Variants in SNTG1 observed in about 807,000 individuals in gnomAD.
SNTG1 encodes the protein syntrophin gamma 1.
In SNTG1, 39 loss-of-function variants were observed where a neutral mutation model predicts 74.7. That is an observed-to-expected ratio of 0.52 (90% CI 0.40 to 0.68). The LOEUF is 0.68. SNTG1 is among the 30% of genes least tolerant of loss of function. The pLI is 0.00. For synonymous variants in SNTG1, 254 were observed against 217.1 expected (o/e 1.17, Z -1.49); for missense variants, 685 against 609.5 (o/e 1.12, Z -1.30).
At chr8:50,641,214 C>G (rs920300115) in intron 13 of SNTG1, among the ~76,000 whole-genome samples, 6 of 152,206 alleles carry the variant, frequency 3.9e-5, no homozygotes, top group Admixed American at 6.5e-5. Flanking sequence ...TTTCTTCCCC[C>G]AGTCTATTCT....
At chr8:50,069,225 C>T (rs189712678) in intron 1 of SNTG1, among the ~76,000 whole-genome samples, 1 of 152,236 alleles carries the variant, frequency 6.6e-6, no homozygotes, top group Non-Finnish European at 1.5e-5. Context: ...CTGTGATGTG[C>T]CAGCACCAGC....
chr8:50,223,635 G>A (rs28562121), intron 2 of SNTG1, among the ~76,000 whole-genome samples: 1 of 151,782 alleles, frequency 6.6e-6, no homozygotes, highest in Non-Finnish European at 1.5e-5. Flanking sequence ...GCATCACTTA[G>A]GAAACAAAAA....
At chr8:50,689,091 C>T (rs1173149589) in intron 15 of SNTG1, among the ~76,000 whole-genome samples, 3 of 25,874 alleles carry the variant, frequency 1.2e-4, no homozygotes, top group Admixed American at 3.9e-4. Context: ...TGTTTGTGAA[C>T]ATTGATTTTG....
intron 1 of SNTG1, among the ~76,000 whole-genome samples, chr8:50,166,996 A>T (rs1469918995): frequency 1.4e-5 from 2 of 144,012 alleles, no homozygotes; most frequent in East Asian, 3.9e-4. Flanking sequence ...ATTGGAAACC[A>T]TCATTCTCAG....
chr8:50,708,905 T>G lies in SNTG1; in HGVS notation c.1211T>G (p.Val404Gly). 1 of 1,613,530 alleles carries G rather than the reference T, an allele frequency of 6.2e-7. No individual in the cohort carries two copies. The highest frequency in any genetic ancestry group is 8.5e-7 in the Non-Finnish European group (1 of 1,179,580). ...ERIQCKTYAC[V>G]LESHLMGLTI... ...ACCTAGTGCAAGACCTATGCATGTG[T>G]GCTAGAAAGTCATCTAATGGGACTC... The change falls in exon 17 of 19, where the codon GTG (valine) becomes GGG (glycine). Residue 404 changes from valine (V) to glycine (G), a missense_variant. Coordinates refer to ENST00000642720, the MANE Select transcript of SNTG1 (RefSeq NM_018967.5).
At chr8:50,698,503 G>C (rs766743413) in intron 15 of SNTG1, among the ~76,000 whole-genome samples, 1 of 152,064 alleles carries the variant, frequency 6.6e-6, no homozygotes, top group Non-Finnish European at 1.5e-5. Context: ...GAAAGATGGG[G>C]TGAGCCTGGT....
At chr8:50,205,756 G>A (rs1195675571) in intron 2 of SNTG1, among the ~76,000 whole-genome samples, 3 of 152,172 alleles carry the variant, frequency 2.0e-5, no homozygotes, top group Non-Finnish European at 2.9e-5. Flanking sequence ...AAGATGTAAG[G>A]AAGGGATCCA....
chr8:50,136,786 G>T (rs1236704020), intron 1 of SNTG1, among the ~76,000 whole-genome samples: 1 of 152,048 alleles, frequency 6.6e-6, no homozygotes, highest in African/African-American at 2.4e-5. Context: ...AGACCTACAG[G>T]CCTATTAGCC....
At chr8:50,449,077 G>A (rs2093431944) in intron 5 of SNTG1, among the ~76,000 whole-genome samples, 1 of 151,886 alleles carries the variant, frequency 6.6e-6, no homozygotes, top group Non-Finnish European at 1.5e-5. Flanking sequence ...AATAAAAATA[G>A]TACTACTTCA....
intron 1 of SNTG1, among the ~76,000 whole-genome samples, chr8:49,973,870 T>C (rs1286780409): frequency 1.3e-5 from 2 of 152,212 alleles, no homozygotes; most frequent in Non-Finnish European, 2.9e-5. Flanking sequence ...TACAATGCTA[T>C]AGTAACGACA....
At chr8:50,376,756 T>TATATATATATATAGAGAGAGAG (rs1381048539) in intron 2 of SNTG1, among the ~76,000 whole-genome samples, 29 of 89,940 alleles carry the variant, frequency 3.2e-4, no homozygotes, top group Non-Finnish European at 5.2e-4. Flanking sequence ...TATATATATA[T>TATATATATATATAGAGAGAGAG]AGAGAGAGAG....
intron 18 of SNTG1, among the ~76,000 whole-genome samples, chr8:50,785,598 A>G (rs1283084275): frequency 6.6e-6 from 1 of 152,082 alleles, no homozygotes; most frequent in Non-Finnish European, 1.5e-5. Flanking sequence ...AACAATGAAA[A>G]AACAATTATT....
chr8:50,357,064 G>A (rs571168347), intron 2 of SNTG1, among the ~76,000 whole-genome samples: 1 of 152,210 alleles, frequency 6.6e-6, no homozygotes, highest in African/African-American at 2.4e-5. Context: ...TTCTCTCCCT[G>A]GTTGGCCTTC....
intron 1 of SNTG1, among the ~76,000 whole-genome samples, chr8:50,142,108 C>T (rs571535765): frequency 9.9e-5 from 15 of 151,964 alleles, no homozygotes; most frequent in African/African-American, 3.6e-4. Context: ...GTAGGTTTAC[C>T]TAATTGTTTC....
At chr8:50,237,369 T>A (rs912088011) in intron 2 of SNTG1, among the ~76,000 whole-genome samples, 2 of 152,210 alleles carry the variant, frequency 1.3e-5, no homozygotes, top group Non-Finnish European at 2.9e-5. Flanking sequence ...GTCATGTACA[T>A]CTATCAGATG....
At chr8:50,485,928 A>G (rs1386228668) in intron 8 of SNTG1, among the ~76,000 whole-genome samples, 16 of 151,076 alleles carry the variant, frequency 1.1e-4, no homozygotes, top group Admixed American at 6.6e-5. Flanking sequence ...TAAATAGGGA[A>G]TCCTGTCCCC....
At chr8:50,099,095 G>A (rs146684944) in intron 1 of SNTG1, among the ~76,000 whole-genome samples, 302 of 152,216 alleles carry the variant, frequency 2.0e-3, no homozygotes, top group African/African-American at 6.9e-3. Flanking sequence ...TCAACCATTA[G>A]GGATATGTGT....
intron 2 of SNTG1, among the ~76,000 whole-genome samples, chr8:50,196,377 T>A (rs1218296879): frequency 6.6e-6 from 1 of 152,178 alleles, no homozygotes; most frequent in Non-Finnish European, 1.5e-5. Flanking sequence ...AAAACTGCAA[T>A]GCACAATGAA....
At chr8:50,735,157 C>T (rs540808866) in intron 17 of SNTG1, among the ~76,000 whole-genome samples, 1 of 151,510 alleles carries the variant, frequency 6.6e-6, no homozygotes, top group African/African-American at 2.4e-5. Flanking sequence ...TCCTGCCCGA[C>T]ATATTGGATT....
Sources: allele counts gnomAD v4.1 joint callset (sites outside exome capture counted in the v4.1 genomes callset), GRCh38; gene constraint gnomAD v4.1.1; transcripts MANE v1.5; gene names NCBI Gene and HGNC (gene_info 2026-07-23, HGNC 2026-07-21).